The following ORC1 variants were observed in gnomAD, a reference collection of about 807,000 sequenced individuals.
ORC1 encodes the protein origin recognition complex subunit 1.
Under a neutral mutation model 98.9 loss-of-function variants are expected in ORC1, and 61 were observed. That is an observed-to-expected ratio of 0.62 (90% CI 0.50 to 0.76). The LOEUF (loss-of-function observed/expected upper bound fraction) is 0.76. ORC1 is among the 30% of genes least tolerant of loss of function. The pLI is 0.00. For missense variants in ORC1, 979 were observed against 1,072.2 expected (o/e 0.91, Z 1.21); for synonymous variants, 385 against 406.9 (o/e 0.95, Z 0.65).
chr1:52,380,614 G>A (rs892401766), intron 14 of ORC1, among the ~76,000 whole-genome samples: 5 of 151,638 alleles, frequency 3.3e-5, no homozygotes, highest in Admixed American at 2.0e-4. Flanking sequence ...AGAATCTCTT[G>A]AACCTAGAAG....
chr1:52,373,827 C>G (rs1646964038), intron 16 of ORC1, among the ~76,000 whole-genome samples: 1 of 152,006 alleles, frequency 6.6e-6, no homozygotes, highest in South Asian at 2.1e-4. Context: ...GTACAGTGAG[C>G]AAATGCCAAG....
At chr1:52,397,907 G>A (rs1647494005) in intron 3 of ORC1, 44 bp from the exon 4 acceptor site, 2 of 1,558,208 alleles carry the variant, frequency 1.3e-6, no homozygotes, top group South Asian at 2.2e-5. Context: ...GACAACTCAA[G>A]GACACTTTAC....
In ORC1 at chr1:52,399,584, A is replaced by G. The variant is rs1291014116; in HGVS notation, c.224-1721T>C. Among the ~76,000 whole-genome samples the G allele has an allele frequency of 3.4e-5, 5 of 144,944 alleles. No homozygotes were observed. In the East Asian group the frequency reaches 1.0e-3, roughly 29 times the overall value. On this transcript the variant is annotated intron_variant, in intron 3 of 16. Transcript: ENST00000371568. ...GCTTGCAGTGAGCCGAGATGGCGCC[A>G]CTGCACTCCAGACTGGGCGACACAG...
chr1:52,377,769 C>T (rs1275926119), intron 14 of ORC1, among the ~76,000 whole-genome samples: 1 of 146,264 alleles, frequency 6.8e-6, no homozygotes, highest in East Asian at 2.0e-4. Context: ...CCAATTAACT[C>T]TCAAATAAAG....
At chr1:52,394,440 C>CA (rs1647304478) in intron 5 of ORC1, among the ~76,000 whole-genome samples, 1 of 152,026 alleles carries the variant, frequency 6.6e-6, no homozygotes, top group Non-Finnish European at 1.5e-5. Context: ...GGTTCCAACA[C>CA]AAAAAACACT....
chr1:52,404,836 C>A, upstream of ORC1: 1 of 1,614,232 alleles, frequency 6.2e-7, no homozygotes, highest in African/African-American at 1.3e-5. Context: ...GAACGCGAAT[C>A]TATGAGTCCA....
intron 14 of ORC1, among the ~76,000 whole-genome samples, chr1:52,380,502 C>A (rs1338939572): frequency 6.6e-6 from 1 of 152,160 alleles, no homozygotes; most frequent in Non-Finnish European, 1.5e-5. Context: ...TCAAGACCAG[C>A]CTGGCCAACA....
intron 6 of ORC1, among the ~76,000 whole-genome samples, chr1:52,391,354 A>G (rs1647208879): frequency 6.6e-6 from 1 of 152,064 alleles, no homozygotes; most frequent in African/African-American, 2.4e-5. Context: ...CATTGGAAAA[A>G]GTCTTCTAGA....
chr1:52,389,161 T>G, intron 7 of ORC1, 56 bp downstream of exon 7: 1 of 1,277,426 alleles, frequency 7.8e-7, no homozygotes, highest in Non-Finnish European at 1.1e-6. Context: ...GGAGATAAGA[T>G]TATAGATATC....
chr1:52,402,339 G>T, intron 1 of ORC1, 111 bp from the exon 2 acceptor site: 1 of 802,006 alleles, frequency 1.2e-6, no homozygotes, highest in Non-Finnish European at 2.2e-6. Flanking sequence ...CTTATTTTCT[G>T]CCCCTGCTAC....
chr1:52,398,070 T>C (rs191880626), intron 3 of ORC1, among the ~76,000 whole-genome samples: 30 of 151,724 alleles, frequency 2.0e-4, no homozygotes, highest in African/African-American at 5.8e-4. Context: ...TTAAAGTGAT[T>C]CTGCTGCCTC....
Position 52,397,371 on chromosome 1 carries a change from T to C in ORC1, c.402+314A>G, listed in dbSNP as rs1033337162. Reference sequence around the variant, plus strand: ...TGCAGTCCTCGTTTAAGCCAGCATATTCAGCCTCACAATGCTTTATGCATG... The same window carrying C: ...TGCAGTCCTCGTTTAAGCCAGCATACTCAGCCTCACAATGCTTTATGCATG... On this transcript the variant is annotated intron_variant, in intron 4 of 16. Transcript: ENST00000371568. Among the ~76,000 whole-genome samples the C allele has an allele frequency of 2.0e-5, 3 of 152,232 alleles. No individual in the cohort carries two copies. In the East Asian group the frequency reaches 5.8e-4, roughly 29 times the overall value.
rs200018508 is a variant in ORC1 at position 52,389,253 on chromosome 1, G to A, written c.1151C>T (p.Ser384Phe). The change falls in exon 7 of 17, where the codon TCT (serine) becomes TTT (phenylalanine). Residue 384 changes from serine (S) to phenylalanine (F), a missense_variant. Transcript: ENST00000371568. ...STPHRIRRKS[S>F]VLTMNRIRQQ... ...CCTAATCCGATTCATAGTCAAGACA[G>A]AACTCTTTCTGCGGATACGATGGGG... is the stretch of plus-strand genomic sequence containing the variant. 3 of 1,614,170 alleles carry A rather than the reference G, an allele frequency of 1.9e-6. No homozygotes were observed. Among genetic ancestry groups the A allele is most frequent in the African/African-American group, 2.7e-5 (2 of 75,046 alleles).
chr1:52,376,181 G>T (rs1439086367), intron 14 of ORC1, among the ~76,000 whole-genome samples: 1 of 152,186 alleles, frequency 6.6e-6, no homozygotes, highest in Non-Finnish European at 1.5e-5. Context: ...AGACCAGCCT[G>T]GCCAACATGG....
At chr1:52,402,928 T>A (rs1430715511) in intron 1 of ORC1, among the ~76,000 whole-genome samples, 1 of 152,164 alleles carries the variant, frequency 6.6e-6, no homozygotes, top group African/African-American at 2.4e-5. Flanking sequence ...GATGTTATTA[T>A]CACTTCAAGG....
At chr1:52,397,507 A>G (rs1433163802) in intron 4 of ORC1, among the ~76,000 whole-genome samples, 178 bp downstream of exon 4, 1 of 152,220 alleles carries the variant, frequency 6.6e-6, no homozygotes, top group Non-Finnish European at 1.5e-5. Flanking sequence ...CTAACACATG[A>G]TACGTGCTCT....
Position 52,393,614 on chromosome 1 carries a change from GTATAA to G in ORC1, c.906_910del (p.Tyr303Ter), listed in dbSNP as rs757713841. The G allele has an allele frequency of 6.2e-7, 1 of 1,614,162 alleles. No homozygotes were observed. Among genetic ancestry groups the G allele is most frequent in the South Asian group, 1.1e-5 (1 of 91,074 alleles). On this transcript the variant is annotated frameshift_variant, in exon 6 of 17. Transcript: ENST00000371568. LOFTEE classifies it high-confidence loss of function. ...AGGTGAAGCCTTCTTGTCATCCTCA[GTATAA>G]GAGAGTCCAGTCTCTCTGGTTTTCT...
chr1:52,397,888 A>C (rs765840059), intron 3 of ORC1, 25 bp from the exon 4 acceptor site: 1 of 1,608,354 alleles, frequency 6.2e-7, no homozygotes, highest in Non-Finnish European at 8.5e-7. Context: ...GTGGAAAGGG[A>C]AAGGTTAAGA....
intron 7 of ORC1, 135 bp from the exon 8 acceptor site, chr1:52,388,772 C>T (rs778205495): frequency 5.3e-6 from 4 of 751,534 alleles, no homozygotes; most frequent in Middle Eastern, 3.7e-4. Context: ...GCTACCGAGA[C>T]ACTCTGTTAG....
Sources: gnomAD v4.1 joint callset for allele counts (sites outside exome capture counted in the v4.1 genomes callset) on GRCh38, gnomAD v4.1.1 for gene constraint, MANE v1.5 for transcripts, NCBI Gene and HGNC (gene_info 2026-07-23, HGNC 2026-07-21) for gene names.